The following GLIS1 variants were observed in gnomAD, a reference collection of about 807,000 sequenced individuals.
GLIS1 encodes the protein GLIS family zinc finger 1.
A neutral mutation model predicts 63.8 loss-of-function variants in GLIS1; 24 were observed. The observed-to-expected ratio is 0.38, with a 90% CI of 0.27 to 0.53. GLIS1 has a LOEUF of 0.53. Among genes scored for constraint, GLIS1 ranks in the 20% least tolerant of loss-of-function variants. The pLI is 0.85. For missense variants in GLIS1, 1,036 were observed against 1,074.1 expected (o/e 0.96, Z 0.50); for synonymous variants, 450 against 482.5 (o/e 0.93, Z 0.88).
chr1:53,711,209 G>A (rs545417302), intron 2 of GLIS1, among the ~76,000 whole-genome samples: 7 of 152,246 alleles, frequency 4.6e-5, no homozygotes, highest in African/African-American at 1.2e-4. Context: ...AGGAAACTAA[G>A]GAAGTAACTT....
chr1:53,603,741 AG>A (rs1465675741), intron 2 of GLIS1, among the ~76,000 whole-genome samples: 1 of 152,246 alleles, frequency 6.6e-6, no homozygotes, highest in Non-Finnish European at 1.5e-5. Flanking sequence ...TCTGTGCCAC[AG>A]GGGGCCAAGA....
At chr1:53,547,517 T>C (rs1427422579) in intron 4 of GLIS1, among the ~76,000 whole-genome samples, 3 of 152,128 alleles carry the variant, frequency 2.0e-5, no homozygotes, top group Admixed American at 6.5e-5. Flanking sequence ...GTCACTTACC[T>C]CCGCCAGGCT....
chr1:53,594,226 C>T lies in GLIS1; in HGVS notation c.1202G>A (p.Gly401Asp), dbSNP rs767709665. The change falls in exon 4 of 11, where the codon GGC (glycine) becomes GAC (aspartate). Residue 401 changes from glycine to aspartate, a missense_variant. Physicochemically the swap from Gly to Asp is moderately conservative, Grantham distance 94 (BLOSUM62 -1). Around this residue, in one of 3 missense-constraint regions of GLIS1, gnomAD observed 592 missense variants for 593.9 expected, o/e 1.00. Coordinates refer to ENST00000628545, the MANE Select transcript of GLIS1 (RefSeq NM_001367484.1). ...IEKSHIDQRK[G>D]EDFTCFWAGC... ...AGCCCAGAAGCAGGTGAAGTCCTCGCCCTTGCGCTGGTCGATGTGGCTCTT... is the reference window on the plus strand; with the variant it reads ...AGCCCAGAAGCAGGTGAAGTCCTCGTCCTTGCGCTGGTCGATGTGGCTCTT... 1 of 1,613,958 alleles carries T rather than the reference C, an allele frequency of 6.2e-7. No individual in the cohort carries two copies. The highest frequency in any genetic ancestry group is 8.5e-7 in the Non-Finnish European group (1 of 1,179,992).
intron 7 of GLIS1, among the ~76,000 whole-genome samples, chr1:53,516,470 G>T (rs1004046937): frequency 6.6e-6 from 1 of 152,012 alleles, no homozygotes; most frequent in Non-Finnish European, 1.5e-5. Flanking sequence ...ATTAACAAGG[G>T]GAGCAGCAGG....
chr1:53,653,084 CCTGTGGGCCCAAAGAGA>C (rs1645926205), intron 2 of GLIS1, among the ~76,000 whole-genome samples: 1 of 150,548 alleles, frequency 6.6e-6, no homozygotes, highest in African/African-American at 2.4e-5. Flanking sequence ...GTGGGCAGGC[CCTGTGGGCCCAAAGAGA>C]CAAACCCAGG....
At chr1:53,731,789 G>C (rs1455028696) in intron 2 of GLIS1, among the ~76,000 whole-genome samples, 1 of 152,182 alleles carries the variant, frequency 6.6e-6, no homozygotes, top group South Asian at 2.1e-4. Flanking sequence ...TTCTTTCTGT[G>C]TTCATCTTTA....
chr1:53,644,109 C>T (rs187312578), intron 2 of GLIS1, among the ~76,000 whole-genome samples: 41 of 152,332 alleles, frequency 2.7e-4, no homozygotes, highest in Admixed American at 2.5e-3. Flanking sequence ...GAAGTCTCTA[C>T]AAGACACCAT....
At position 53,603,360 on chromosome 1, in the gene GLIS1, G is replaced by T. The variant is rs530062590; in HGVS notation, c.260-3082C>A. On this transcript the variant is annotated intron_variant, in intron 2 of 10. Coordinates refer to ENST00000628545, the MANE Select transcript of GLIS1 (RefSeq NM_001367484.1). The stretch of plus-strand genomic sequence containing the variant: ...ACCCAAGGTCATACAGTAATTGCTG[G>T]CATAGTCGTGGCCCAAAGTTGGTCT... 2.0e-5 allele frequency among the ~76,000 whole-genome samples: 3 copies of T among 152,296 alleles called. No individual in the cohort carries two copies. In the East Asian group the frequency reaches 5.8e-4, roughly 29 times the overall value.
intron 4 of GLIS1, among the ~76,000 whole-genome samples, chr1:53,572,479 T>A (rs1286051715): frequency 3.9e-5 from 6 of 152,248 alleles, no homozygotes; most frequent in Non-Finnish European, 8.8e-5. Context: ...AGCTGTCCTC[T>A]CTACCTGTTT....
intron 3 of GLIS1, among the ~76,000 whole-genome samples, chr1:53,599,262 G>A (rs1645291062): frequency 6.6e-6 from 1 of 152,224 alleles, no homozygotes; most frequent in Non-Finnish European, 1.5e-5. Flanking sequence ...TTTAAAAGGT[G>A]ACTGGGTTGG....
At chr1:53,584,095 C>A (rs950925460) in intron 4 of GLIS1, among the ~76,000 whole-genome samples, 4 of 152,130 alleles carry the variant, frequency 2.6e-5, no homozygotes, top group African/African-American at 9.7e-5. Flanking sequence ...AGTGGACTGC[C>A]CTTCCTGAGC....
At chr1:53,612,033 A>G (rs1331601897) in intron 2 of GLIS1, among the ~76,000 whole-genome samples, 1 of 151,878 alleles carries the variant, frequency 6.6e-6, no homozygotes, top group Non-Finnish European at 1.5e-5. Flanking sequence ...ATGTCTTGCT[A>G]TATTGCCCAG....
At chr1:53,683,488 C>T (rs1039968275) in intron 2 of GLIS1, among the ~76,000 whole-genome samples, 1 of 152,128 alleles carries the variant, frequency 6.6e-6, no homozygotes, top group African/African-American at 2.4e-5. Flanking sequence ...CTCTGCAGGC[C>T]TCATCTGTGA....
chr1:53,681,791 G>GA (rs11448057), intron 2 of GLIS1, among the ~76,000 whole-genome samples: 49,026 of 151,894 alleles, frequency 0.32, 8,956 homozygotes, highest in African/African-American at 0.51. Flanking sequence ...TCAGAGCTGA[G>GA]TGCATTCGAG....
chr1:53,725,422 C>T (rs1646795881), intron 2 of GLIS1, among the ~76,000 whole-genome samples: 1 of 152,178 alleles, frequency 6.6e-6, no homozygotes, highest in African/African-American at 2.4e-5. Context: ...CACCAGTTTC[C>T]ATTCTGTGAC....
intron 4 of GLIS1, among the ~76,000 whole-genome samples, chr1:53,589,492 C>T (rs1165787554): frequency 6.6e-6 from 1 of 152,174 alleles, no homozygotes; most frequent in East Asian, 1.9e-4. Context: ...TTGGCCCAGG[C>T]TAGGAGGGCA....
intron 4 of GLIS1, among the ~76,000 whole-genome samples, chr1:53,569,791 TCAC>T (rs1644967653): frequency 6.6e-6 from 1 of 151,906 alleles, no homozygotes; most frequent in Non-Finnish European, 1.5e-5. Flanking sequence ...TTATTTCTAT[TCAC>T]CAGGAACAAA....
At chr1:53,512,424 T>A (rs1157117174) in intron 8 of GLIS1, among the ~76,000 whole-genome samples, 1 of 152,202 alleles carries the variant, frequency 6.6e-6, no homozygotes, top group African/African-American at 2.4e-5. Context: ...AATTTGGTCA[T>A]GAAGTCAGGC....
intron 4 of GLIS1, among the ~76,000 whole-genome samples, chr1:53,565,976 G>A (rs148413020): frequency 1.1e-3 from 162 of 152,208 alleles, no homozygotes; most frequent in African/African-American, 3.6e-3. Context: ...TTATATCCAA[G>A]TTGGGTGGAT....
Sources: allele counts gnomAD v4.1 joint callset (sites outside exome capture counted in the v4.1 genomes callset), GRCh38; gene constraint gnomAD v4.1.1; regional missense constraint gnomAD v4.1.1; transcripts MANE v1.5; gene names NCBI Gene and HGNC (gene_info 2026-07-23, HGNC 2026-07-21).